FBXL7: variants seen among roughly 807,000 people sequenced by gnomAD.
FBXL7 encodes the protein F-box and leucine rich repeat protein 7.
A neutral mutation model predicts 38.3 loss-of-function variants in FBXL7; 12 were observed. The observed-to-expected ratio is 0.31, with a 90% CI of 0.20 to 0.51. FBXL7 has a LOEUF of 0.51. Ranked by LOEUF, FBXL7 falls within the 20% of genes least tolerant of loss-of-function variation. FBXL7 has a pLI of 0.98. For synonymous variants in FBXL7, 297 were observed against 300.9 expected (o/e 0.99, Z 0.13); for missense variants, 567 against 676.4 (o/e 0.84, Z 1.79).
chr5:15,611,735 C>T (rs1170101304), intron 1 of FBXL7, among the ~76,000 whole-genome samples: 6 of 151,804 alleles, frequency 4.0e-5, no homozygotes, highest in African/African-American at 1.5e-4. Flanking sequence ...GTAATCCCAG[C>T]ACTTTGGGAG....
chr5:15,844,721 G>T (rs1738844606), intron 2 of FBXL7, among the ~76,000 whole-genome samples: 1 of 152,102 alleles, frequency 6.6e-6, no homozygotes, highest in Non-Finnish European at 1.5e-5. Context: ...ACTATGAAGG[G>T]AGTGTCTACC....
At chr5:15,605,735 T>C (rs138846909) in intron 1 of FBXL7, among the ~76,000 whole-genome samples, 85 of 152,330 alleles carry the variant, frequency 5.6e-4, no homozygotes, top group African/African-American at 2.0e-3. Context: ...GCAAATTTTG[T>C]GTTATGTACA....
intron 2 of FBXL7, among the ~76,000 whole-genome samples, chr5:15,783,904 G>A (rs1737066723): frequency 6.6e-6 from 1 of 152,180 alleles, no homozygotes; most frequent in Non-Finnish European, 1.5e-5. Flanking sequence ...AGATCTCACA[G>A]GAAACTTGCA....
intron 1 of FBXL7, among the ~76,000 whole-genome samples, chr5:15,562,750 C>T (rs1476986934): frequency 1.3e-5 from 2 of 152,020 alleles, no homozygotes; most frequent in African/African-American, 4.8e-5. Flanking sequence ...TTCTTTCACA[C>T]ATATTTATTG....
At chr5:15,501,645 T>G (rs558627111) in intron 1 of FBXL7, 1 of 985,388 alleles carries the variant, frequency 1.0e-6, no homozygotes, top group Non-Finnish European at 1.2e-6. Flanking sequence ...CTGGTAGGAA[T>G]GCAGGCTAGC....
At chr5:15,562,718 C>A (rs971935019) in intron 1 of FBXL7, among the ~76,000 whole-genome samples, 23 of 151,970 alleles carry the variant, frequency 1.5e-4, no homozygotes, top group African/African-American at 5.6e-4. Context: ...CCATTCATCC[C>A]TTTCCCCTCC....
chr5:15,727,789 T>C (rs1053695199), intron 2 of FBXL7, among the ~76,000 whole-genome samples: 1 of 152,194 alleles, frequency 6.6e-6, no homozygotes, highest in Admixed American at 6.5e-5. Flanking sequence ...TTCCAGCCAT[T>C]ACTTCTGTAA....
rs556617740 is a variant in FBXL7, at chr5:15,530,019, TGC to T, written c.37+29307_37+29308del. Among the ~76,000 whole-genome samples, 1,228 of 152,332 alleles carry T rather than the reference TGC, an allele frequency of 8.1e-3. 13 individuals are homozygous for T. The highest frequency in any genetic ancestry group is 9.0e-3 in the Non-Finnish European group (615 of 68,034). On this transcript the variant is annotated intron_variant, in intron 1 of 3. Coordinates refer to ENST00000504595, the MANE Select transcript of FBXL7 (RefSeq NM_012304.5). Reference sequence around the variant, plus strand: ...AGTTCTGGGAAAACTTAGCTGACATTGCAGTGTTTGGAACTGTAGCAGGAATT... The same window carrying T: ...AGTTCTGGGAAAACTTAGCTGACATTAGTGTTTGGAACTGTAGCAGGAATT...
chr5:15,684,073 A>AT (rs1177215531), intron 2 of FBXL7, among the ~76,000 whole-genome samples: 1 of 152,132 alleles, frequency 6.6e-6, no homozygotes, highest in African/African-American at 2.4e-5. Flanking sequence ...TTAAATTCTA[A>AT]TTTTAACATG....
intron 2 of FBXL7, among the ~76,000 whole-genome samples, chr5:15,810,306 A>AT (rs1365772500): frequency 6.6e-6 from 1 of 152,154 alleles, no homozygotes; most frequent in Admixed American, 6.5e-5. Context: ...CATGCCTGTA[A>AT]TCCCAGCACT....
rs562129014 is a variant in FBXL7 at position 15,688,233 on chromosome 5, T to A, written c.127+72161T>A. 3.3e-5 allele frequency among the ~76,000 whole-genome samples: 5 copies of A among 152,346 alleles called. No individual in the cohort carries two copies. The South Asian group carries it at 1.0e-3, about 32-fold the overall frequency. On this transcript the variant is annotated intron_variant, in intron 2 of 3. Coordinates refer to ENST00000504595, the MANE Select transcript of FBXL7 (RefSeq NM_012304.5). Reference sequence around the variant, plus strand: ...AAAGGGGACACGACCAGACATTTGTTACAAAACAGGAGTGTTGGGTTCCAT... The same window carrying A: ...AAAGGGGACACGACCAGACATTTGTAACAAAACAGGAGTGTTGGGTTCCAT...
At chr5:15,595,289 T>C (rs1186135604) in intron 1 of FBXL7, among the ~76,000 whole-genome samples, 1 of 152,142 alleles carries the variant, frequency 6.6e-6, no homozygotes, top group Non-Finnish European at 1.5e-5. Context: ...GAAAGGCTGC[T>C]GTGGAGGAGT....
At chr5:15,841,643 T>C (rs1445184839) in intron 2 of FBXL7, among the ~76,000 whole-genome samples, 1 of 152,170 alleles carries the variant, frequency 6.6e-6, no homozygotes. Context: ...TAAAATACAT[T>C]TTCCCTATGA....
chr5:15,916,425 C>T (rs1741586301), intron 2 of FBXL7, among the ~76,000 whole-genome samples: 1 of 152,080 alleles, frequency 6.6e-6, no homozygotes, highest in Admixed American at 6.6e-5. Context: ...AGCTTATAGG[C>T]AATTGCTGAA....
chr5:15,770,701 G>T (rs1358838269), intron 2 of FBXL7, among the ~76,000 whole-genome samples: 1 of 152,178 alleles, frequency 6.6e-6, no homozygotes, highest in African/African-American at 2.4e-5. Context: ...TATTATTCTT[G>T]TAGGTATAAT....
intron 1 of FBXL7, among the ~76,000 whole-genome samples, chr5:15,544,475 T>A (rs1737845674): frequency 6.6e-6 from 1 of 152,082 alleles, no homozygotes; most frequent in Non-Finnish European, 1.5e-5. Context: ...TTTTTCTTTG[T>A]CTGGTTTGAT....
At chr5:15,721,614 C>T (rs1289666078) in intron 2 of FBXL7, among the ~76,000 whole-genome samples, 1 of 151,978 alleles carries the variant, frequency 6.6e-6, no homozygotes, top group Non-Finnish European at 1.5e-5. Context: ...AGAAATATTC[C>T]TTAACTTACA....
chr5:15,501,428 C>T, intron 1 of FBXL7: 2 of 985,584 alleles, frequency 2.0e-6, no homozygotes, highest in South Asian at 4.7e-5. Context: ...CCTACCTCCT[C>T]CCACTCTGCA....
intron 1 of FBXL7, among the ~76,000 whole-genome samples, chr5:15,568,646 A>C (rs927112017): frequency 6.6e-6 from 1 of 151,802 alleles, no homozygotes; most frequent in Admixed American, 6.6e-5. Flanking sequence ...TTGGTGTTTT[A>C]GACATGAAGT....
Sources: allele counts gnomAD v4.1 joint callset (sites outside exome capture counted in the v4.1 genomes callset), GRCh38; gene constraint gnomAD v4.1.1; transcripts MANE v1.5; gene names NCBI Gene and HGNC (gene_info 2026-07-23, HGNC 2026-07-21).